Variants in GPRC5C observed in about 807,000 individuals in gnomAD.
The protein encoded by GPRC5C is G protein-coupled receptor family C group 5 member C.
In GPRC5C, 22 loss-of-function variants were observed where a neutral mutation model predicts 31.4. The ratio of observed to expected loss-of-function variants is 0.70; its 90% confidence interval spans 0.50 to 1.00. The LOEUF (loss-of-function observed/expected upper bound fraction) is 1.00. Among genes scored for constraint, GPRC5C ranks in the 50% least tolerant of loss-of-function variants. The pLI is 0.00. For synonymous variants in GPRC5C, 249 were observed against 257.5 expected (o/e 0.97, Z 0.32); for missense variants, 557 against 597.2 (o/e 0.93, Z 0.70).
intron 2 of GPRC5C, among the ~76,000 whole-genome samples, chr17:74,442,613 G>A (rs903898642): frequency 6.6e-6 from 1 of 152,228 alleles, no homozygotes; most frequent in Non-Finnish European, 1.5e-5. Flanking sequence ...AACAAGCACC[G>A]GCTCTGGGGT....
In GPRC5C at chr17:74,443,892, G is replaced by T; in HGVS notation, c.1126G>T (p.Ala376Ser). Residue 376 changes from alanine to serine, a missense_variant, in exon 3 of 4, where the codon GCC becomes TCC. Coordinates refer to ENST00000392627, the MANE Select transcript of GPRC5C (RefSeq NM_022036.4). ...LTSVYQPTEM[A>S]LMHKVPSEGA... ...CAGTGTGTACCAGCCCACTGAGATG[G>T]CCCTGATGCACAAAGTTCCGGTAAG... is the stretch of plus-strand genomic sequence containing the variant. The T allele has an allele frequency of 1.2e-6, 2 of 1,612,066 alleles. No homozygotes were observed. Among genetic ancestry groups the T allele is most frequent in the Non-Finnish European group, 1.7e-6 (2 of 1,178,312 alleles).
At chr17:74,439,230 G>A (rs1472497218) in intron 1 of GPRC5C, among the ~76,000 whole-genome samples, 2 of 152,210 alleles carry the variant, frequency 1.3e-5, no homozygotes, top group Non-Finnish European at 2.9e-5. Flanking sequence ...GGTTATGCCT[G>A]CTGCAGCTGC....
At chr17:74,433,717 G>GC in intron 1 of GPRC5C, 1 of 1,613,648 alleles carries the variant, frequency 6.2e-7, no homozygotes. Flanking sequence ...CCTGAAGAGT[G>GC]CCCTGGTCAC....
intron 1 of GPRC5C, chr17:74,432,588 C>A (rs1033377199): frequency 2.5e-5 from 22 of 881,352 alleles, no homozygotes; most frequent in Non-Finnish European, 3.0e-5. Context: ...GGGGAGTGGG[C>A]GAGGGCAGAG....
rs1299431529 is a variant in GPRC5C, at chr17:74,446,865, A to G, written c.1163A>G (p.Asp388Gly). Residue 388 changes from aspartate (D) to glycine (G), a missense_variant, in exon 4 of 4, where the codon GAC becomes GGC. Coordinates refer to ENST00000392627, the MANE Select transcript of GPRC5C (RefSeq NM_022036.4). ...MHKVPSEGAYDIILPRATANS... is the reference protein window; with the variant it reads ...MHKVPSEGAYGIILPRATANS... Reference sequence around the variant, plus strand: ...TCCTTCCAGTCCGAAGGAGCTTACGACATCATCCTCCCACGGGCCACCGCC... The same window carrying G: ...TCCTTCCAGTCCGAAGGAGCTTACGGCATCATCCTCCCACGGGCCACCGCC... 6.2e-7 allele frequency: 1 copy of G among 1,612,988 alleles called. No individual in the cohort carries two copies.
chr17:74,446,804 TG>T, intron 3 of GPRC5C, 44 bp from the exon 4 acceptor site: 1 of 1,492,912 alleles, frequency 6.7e-7, no homozygotes. Context: ...CGGCGGAACC[TG>T]GCTCCCAATC....
rs115856290 is a variant in GPRC5C, at chr17:74,436,746, G to C, written c.-32-2999G>C. 5.8e-3 allele frequency among the ~76,000 whole-genome samples: 890 copies of C among 152,256 alleles called. 9 individuals carry two copies. Among genetic ancestry groups the C allele is most frequent in the African/African-American group, 0.016 (657 of 41,532 alleles). On this transcript the variant is annotated intron_variant, in intron 1 of 3. Transcript: ENST00000392627. ...GTGAAAAGCCCTTGAAAGTGCAGGT[G>C]TCCGGAGTCTAAGTGGCAGTTCTGA...
At chr17:74,438,206 CATATATAT>C (rs71157066) in intron 1 of GPRC5C, among the ~76,000 whole-genome samples, 10,908 of 45,032 alleles carry the variant, frequency 0.24, 1,285 homozygotes, top group Admixed American at 0.31. Context: ...TCTGCTAATT[CATATATAT>C]ATATATATAT....
At chr17:74,437,530 G>GA (rs2055450311) in intron 1 of GPRC5C, among the ~76,000 whole-genome samples, 2 of 151,932 alleles carry the variant, frequency 1.3e-5, no homozygotes, top group South Asian at 4.1e-4. Context: ...AAGGGACTTT[G>GA]AAAATGGATC....
intron 1 of GPRC5C, among the ~76,000 whole-genome samples, chr17:74,433,333 G>A (rs2055383762): frequency 6.6e-6 from 1 of 150,970 alleles, no homozygotes; most frequent in African/African-American, 2.4e-5. Flanking sequence ...GACCCTTGAA[G>A]ATTTCCAAGT....
At chr17:74,448,857 C>G (rs762823327), downstream of GPRC5C, 17 of 1,289,758 alleles carry the variant, frequency 1.3e-5, no homozygotes, top group South Asian at 1.5e-4. Flanking sequence ...CAGGCCAACA[C>G]CAACCAGGTT....
At chr17:74,438,912 G>T (rs1311244782) in intron 1 of GPRC5C, among the ~76,000 whole-genome samples, 1 of 152,190 alleles carries the variant, frequency 6.6e-6, no homozygotes, top group Non-Finnish European at 1.5e-5. Context: ...TCAGTAGATG[G>T]AGTGAAAATT....
chr17:74,432,448 C>A, intron 1 of GPRC5C: 2 of 1,092,446 alleles, frequency 1.8e-6, no homozygotes, highest in Non-Finnish European at 2.2e-6. Flanking sequence ...GTCCCTCCCA[C>A]CCCCGCCCGC....
downstream of GPRC5C, among the ~76,000 whole-genome samples, chr17:74,448,273 C>T (rs2055671950): frequency 6.6e-6 from 1 of 152,166 alleles, no homozygotes; most frequent in African/African-American, 2.4e-5. Context: ...TACACTACTG[C>T]CTGGGCAACA....
chr17:74,440,373 C>T lies in GPRC5C; in HGVS notation c.597C>T (p.Ala199=). 6.2e-7 allele frequency: 1 copy of T among 1,614,108 alleles called. No individual in the cohort carries two copies. The stretch of plus-strand genomic sequence containing the variant: ...ACAGCAGCGCAGGCTGGGCCGTGGC[C>T]TCCCCCTGTGCCATCGCCAACATGG... ...QGNSSAGWAV[A]SPCAIANMDF... is the part of the protein sequence containing the mutation. Residue 199 remains alanine, a synonymous_variant, in exon 2 of 4, where the codon GCC becomes GCT. Transcript: ENST00000392627. The surrounding 1 kb of genome is among the most constrained non-coding windows in gnomAD (Gnocchi z 4.4).
At chr17:74,448,259 C>T (rs1476366370), downstream of GPRC5C, among the ~76,000 whole-genome samples, 2 of 152,158 alleles carry the variant, frequency 1.3e-5, no homozygotes, top group Admixed American at 6.5e-5. Context: ...TTTGATTGCA[C>T]CATTACACTA....
downstream of GPRC5C, chr17:74,449,493 A>G: frequency 1.9e-6 from 1 of 515,064 alleles, no homozygotes; most frequent in Non-Finnish European, 3.4e-6. Flanking sequence ...ACCAACCTGA[A>G]GCAGTGGACC....
intron 3 of GPRC5C, chr17:74,446,457 A>T (rs2055636928): frequency 6.1e-6 from 1 of 162,700 alleles, no homozygotes; most frequent in African/African-American, 2.4e-5. Context: ...GTCTCAAAAA[A>T]AAAAAAAAAG....
downstream of GPRC5C, chr17:74,451,477 A>G (rs1358291305): frequency 2.0e-5 from 3 of 152,192 alleles, no homozygotes; most frequent in Non-Finnish European, 2.9e-5. Context: ...GAGTGGCATC[A>G]CAAACAAGCG....
Sources: allele counts gnomAD v4.1 joint callset (sites outside exome capture counted in the v4.1 genomes callset), GRCh38; gene constraint gnomAD v4.1.1; non-coding constraint Gnocchi (gnomAD v3.1); transcripts MANE v1.5; gene names NCBI Gene and HGNC (gene_info 2026-07-23, HGNC 2026-07-21).